The following PDZRN4 variants were observed in gnomAD, a reference collection of about 807,000 sequenced individuals.
The protein encoded by PDZRN4 is PDZ domain-containing RING finger protein 4.
Under a neutral mutation model 99.0 loss-of-function variants are expected in PDZRN4, and 70 were observed. The observed-to-expected ratio is 0.71, with a 90% confidence interval of 0.58 to 0.86. The LOEUF (loss-of-function observed/expected upper bound fraction) is 0.86, where lower values mean the gene tolerates loss of function less well. Ranked by LOEUF, PDZRN4 falls within the 40% of genes least tolerant of loss-of-function variation. PDZRN4 has a pLI of 0.00. For synonymous variants in PDZRN4, 551 were observed against 501.6 expected (o/e 1.10, Z -1.32); for missense variants, 1,474 against 1,331.2 (o/e 1.11, Z -1.67).
At chr12:41,565,133 G>A (rs951196299) in intron 8 of PDZRN4, among the ~76,000 whole-genome samples, 6 of 152,108 alleles carry the variant, frequency 3.9e-5, no homozygotes, top group African/African-American at 1.2e-4. Flanking sequence ...GAAAATTTGA[G>A]TATCTGGCTA....
chr12:41,296,758 G>A (rs541061899), intron 3 of PDZRN4, among the ~76,000 whole-genome samples: 67 of 152,172 alleles, frequency 4.4e-4, no homozygotes, highest in African/African-American at 1.4e-3. Flanking sequence ...TCAGGAATTC[G>A]AAACCAGCCT....
At chr12:41,189,881 T>C (rs1409941816) in intron 1 of PDZRN4, among the ~76,000 whole-genome samples, 2 of 152,130 alleles carry the variant, frequency 1.3e-5, no homozygotes, top group Non-Finnish European at 2.9e-5. Context: ...AGGCAGCGGT[T>C]GTTTCCCTTC....
chr12:41,329,146 G>A (rs1263554481), intron 3 of PDZRN4, among the ~76,000 whole-genome samples: 4 of 152,046 alleles, frequency 2.6e-5, no homozygotes, highest in South Asian at 2.1e-4. Flanking sequence ...GACAGCATCC[G>A]CTGCTAGTTA....
chr12:41,476,286 C>T (rs1238146192), intron 3 of PDZRN4, among the ~76,000 whole-genome samples: 1 of 152,218 alleles, frequency 6.6e-6, no homozygotes, highest in Non-Finnish European at 1.5e-5. Flanking sequence ...TGACACTACT[C>T]ATTTCCATGC....
chr12:41,386,978 G>A (rs59015177), intron 3 of PDZRN4, among the ~76,000 whole-genome samples: 5,390 of 152,158 alleles, frequency 0.035, 323 homozygotes, highest in African/African-American at 0.12. Context: ...ATTAACTCAA[G>A]ACAGATTAAA....
intron 3 of PDZRN4, among the ~76,000 whole-genome samples, chr12:41,435,978 A>G (rs751976822): frequency 8.5e-5 from 13 of 152,224 alleles, no homozygotes; most frequent in South Asian, 2.1e-4. Flanking sequence ...TTTCAAAAGC[A>G]TCAGACATTT....
chr12:41,572,814 G>C lies in PDZRN4; in HGVS notation c.2035G>C (p.Glu679Gln), dbSNP rs775748827. 2 of 1,614,138 alleles carry C rather than the reference G, an allele frequency of 1.2e-6. No individual in the cohort carries two copies. Among genetic ancestry groups the C allele is most frequent in the South Asian group, 1.1e-5 (1 of 91,054 alleles). Reference sequence around the variant, plus strand: ...TGAAGAACTGAGAAACATTGAGCTTGAGTGTCAGAATATCATGCAGGCTCA... The same window carrying C: ...TGAAGAACTGAGAAACATTGAGCTTCAGTGTCAGAATATCATGCAGGCTCA... The part of the protein sequence containing the change: ...LNEELRNIEL[E>Q]CQNIMQAHRL... Residue 679 changes from glutamate (E) to glutamine (Q), a missense_variant, in exon 10 of 10, where the codon GAG becomes CAG. By Grantham distance (29) the Glu-to-Gln change is conservative. Coordinates refer to ENST00000402685, the MANE Select transcript of PDZRN4 (RefSeq NM_001164595.2).
At chr12:41,525,172 C>G (rs561717162) in intron 5 of PDZRN4, among the ~76,000 whole-genome samples, 1 of 152,090 alleles carries the variant, frequency 6.6e-6, no homozygotes, top group Non-Finnish European at 1.5e-5. Context: ...TGCAATACAG[C>G]ACTCAGGGAG....
At chr12:41,209,990 A>G (rs1343461930) in intron 3 of PDZRN4, among the ~76,000 whole-genome samples, 2 of 151,548 alleles carry the variant, frequency 1.3e-5, no homozygotes, top group Admixed American at 6.6e-5. Flanking sequence ...CTATTTCTCC[A>G]CATCCTCTCC....
chr12:41,367,590 C>T (rs760869655), intron 3 of PDZRN4, among the ~76,000 whole-genome samples: 4 of 151,922 alleles, frequency 2.6e-5, no homozygotes, highest in African/African-American at 4.8e-5. Context: ...AGTGTCTCAT[C>T]GGTGCACATT....
At chr12:41,564,923 G>C (rs922360761) in intron 8 of PDZRN4, among the ~76,000 whole-genome samples, 1 of 152,296 alleles carries the variant, frequency 6.6e-6, no homozygotes, top group African/African-American at 2.4e-5. Context: ...CTATTGTAGA[G>C]AAGATATTTT....
chr12:41,552,837 C>T, intron 6 of PDZRN4, 83 bp downstream of exon 6: 1 of 1,026,262 alleles, frequency 9.7e-7, no homozygotes, highest in Non-Finnish European at 1.5e-6. Flanking sequence ...AAAACCCTTC[C>T]TTCAGAGGCT....
At chr12:41,461,307 C>A (rs557292687) in intron 3 of PDZRN4, among the ~76,000 whole-genome samples, 6 of 151,996 alleles carry the variant, frequency 3.9e-5, no homozygotes, top group African/African-American at 7.3e-5. Context: ...GATTATTTCA[C>A]CACCCAGGTA....
chr12:41,478,708 A>G (rs547651226), intron 3 of PDZRN4, among the ~76,000 whole-genome samples: 3 of 152,284 alleles, frequency 2.0e-5, no homozygotes, highest in Admixed American at 2.0e-4. Flanking sequence ...TGATATTTAG[A>G]AAGAAAATCC....
At chr12:41,554,945 AC>A in intron 6 of PDZRN4, among the ~76,000 whole-genome samples, 1 of 151,572 alleles carries the variant, frequency 6.6e-6, no homozygotes, top group South Asian at 2.1e-4. Flanking sequence ...GCGGTGGCTC[AC>A]GCCTGTAATC....
At chr12:41,448,268 A>G (rs1285488502) in intron 3 of PDZRN4, among the ~76,000 whole-genome samples, 1 of 152,134 alleles carries the variant, frequency 6.6e-6, no homozygotes, top group African/African-American at 2.4e-5. Context: ...TATTTAAGAC[A>G]ATGTGATTTT....
At chr12:41,306,173 G>A (rs1054626497) in intron 3 of PDZRN4, among the ~76,000 whole-genome samples, 1 of 152,164 alleles carries the variant, frequency 6.6e-6, no homozygotes, top group Non-Finnish European at 1.5e-5. Flanking sequence ...TGGCAACATT[G>A]TCTCCACAGC....
chr12:41,242,009 C>A (rs973443540), intron 3 of PDZRN4, among the ~76,000 whole-genome samples: 2 of 152,178 alleles, frequency 1.3e-5, no homozygotes, highest in Non-Finnish European at 2.9e-5. Context: ...CTTGCAGTTG[C>A]AGCTCACACA....
At chr12:41,279,992 C>T (rs114005984) in intron 3 of PDZRN4, among the ~76,000 whole-genome samples, 2,255 of 152,242 alleles carry the variant, frequency 0.015, 56 homozygotes, top group African/African-American at 0.052. Context: ...TGGGTGATTT[C>T]TGCATTTCCA....
Sources: allele counts gnomAD v4.1 joint callset (sites outside exome capture counted in the v4.1 genomes callset), GRCh38; gene constraint gnomAD v4.1.1; transcripts MANE v1.5; gene names NCBI Gene and HGNC (gene_info 2026-07-23, HGNC 2026-07-21).